Variants in FSTL4 observed in about 807,000 individuals in gnomAD.
The protein encoded by FSTL4 is follistatin-related protein 4.
Under a neutral mutation model 78.2 loss-of-function variants are expected in FSTL4, and 28 were observed. That is an observed-to-expected ratio of 0.36 (90% CI 0.27 to 0.49). FSTL4 has a LOEUF of 0.49. Among genes scored for constraint, FSTL4 ranks in the 20% least tolerant of loss-of-function variants. FSTL4 has a pLI of 0.98. For synonymous variants in FSTL4, 422 were observed against 440.5 expected, an observed-to-expected ratio of 0.96 and a Z score of 0.53; for missense variants, 922 against 1,084.9, an observed-to-expected ratio of 0.85 and a Z score of 2.11.
chr5:133,727,598 C>T, the FSTL4 span, among the ~76,000 whole-genome samples: 26 of 152,148 alleles, frequency 1.7e-4, no homozygotes, highest in Admixed American at 6.5e-4. Flanking sequence ...GGACAAGGAG[C>T]CTCTTCAGGG....
intron 3 of FSTL4, chr5:133,458,144 G>C (rs1757528257): frequency 6.6e-6 from 1 of 152,180 alleles, no homozygotes; most frequent in South Asian, 2.1e-4. Flanking sequence ...TGTATTTTAA[G>C]ATCAAAAGGA....
At chr5:133,763,933 C>T in the FSTL4 span, among the ~76,000 whole-genome samples, 3 of 152,166 alleles carry the variant, frequency 2.0e-5, no homozygotes, top group Non-Finnish European at 2.9e-5. Context: ...TTCACCAGAG[C>T]CCAAGCCAGC....
intron 1 of FSTL4, among the ~76,000 whole-genome samples, chr5:133,610,778 C>G (rs1164714543): frequency 6.6e-6 from 1 of 152,234 alleles, no homozygotes; most frequent in African/African-American, 2.4e-5. Context: ...TAAAAAGCAT[C>G]GCTGGTTTCC....
chr5:133,818,724 G>A, the FSTL4 span, among the ~76,000 whole-genome samples: 286 of 146,238 alleles, frequency 2.0e-3, no homozygotes, highest in Middle Eastern at 3.5e-3. Context: ...ACTTTAATCT[G>A]CCCTAATGAA....
chr5:133,502,940 A>G (rs1160261428), intron 3 of FSTL4, among the ~76,000 whole-genome samples: 1 of 152,108 alleles, frequency 6.6e-6, no homozygotes, highest in Non-Finnish European at 1.5e-5. Flanking sequence ...TAAGCAGAGA[A>G]CCTCATTAAG....
chr5:133,262,205 C>G (rs935554593), intron 6 of FSTL4, among the ~76,000 whole-genome samples: 1 of 152,132 alleles, frequency 6.6e-6, no homozygotes, highest in Non-Finnish European at 1.5e-5. Flanking sequence ...AACTGCAGCT[C>G]CCCTGGAGGC....
At chr5:133,775,043 A>G in the FSTL4 span, among the ~76,000 whole-genome samples, 2 of 152,330 alleles carry the variant, frequency 1.3e-5, no homozygotes, top group East Asian at 1.9e-4. Context: ...AACTTGATTG[A>G]GCCTCTTGGA....
intron 4 of FSTL4, among the ~76,000 whole-genome samples, chr5:133,395,040 C>A (rs1755973186): frequency 6.6e-6 from 1 of 152,112 alleles, no homozygotes; most frequent in Non-Finnish European, 1.5e-5. Context: ...CCAATCAGCA[C>A]CCTGTCAAAA....
intron 3 of FSTL4, among the ~76,000 whole-genome samples, chr5:133,489,312 G>A (rs374501231): frequency 5.5e-4 from 84 of 152,296 alleles, no homozygotes; most frequent in African/African-American, 1.8e-3. Context: ...CATGAGAGGC[G>A]AGGAAGAACT....
At chr5:133,738,957 T>C in the FSTL4 span, among the ~76,000 whole-genome samples, 2 of 152,112 alleles carry the variant, frequency 1.3e-5, no homozygotes, top group Admixed American at 1.3e-4. Context: ...GGGTCCTTGG[T>C]TGGGGGCTGC....
chr5:133,503,786 C>A (rs1401731754), intron 3 of FSTL4, among the ~76,000 whole-genome samples: 2 of 152,202 alleles, frequency 1.3e-5, no homozygotes, highest in Admixed American at 6.5e-5. Flanking sequence ...TAACTTAACA[C>A]GTCTAAACCA....
At chr5:133,498,741 C>T (rs972594277) in intron 3 of FSTL4, among the ~76,000 whole-genome samples, 1 of 149,868 alleles carries the variant, frequency 6.7e-6, no homozygotes, top group African/African-American at 2.5e-5. Flanking sequence ...AGGATCATGC[C>T]TTTTAAGCCC....
At chr5:133,247,261 C>T (rs1371868128) in intron 7 of FSTL4, 1 of 152,214 alleles carries the variant, frequency 6.6e-6, no homozygotes. Flanking sequence ...TCTCTGGTTG[C>T]ACCCACAATT....
At chr5:133,756,639 CA>C in the FSTL4 span, among the ~76,000 whole-genome samples, 3 of 152,150 alleles carry the variant, frequency 2.0e-5, no homozygotes, top group African/African-American at 7.2e-5. Flanking sequence ...CCACTGAGTG[CA>C]CCTGGCCCTC....
the FSTL4 span, among the ~76,000 whole-genome samples, chr5:133,839,228 C>G: frequency 6.6e-6 from 1 of 152,194 alleles, no homozygotes; most frequent in Non-Finnish European, 1.5e-5. Context: ...CTGCCCCACT[C>G]AGACTCACTC....
At chr5:133,552,208 T>C (rs1306395070) in intron 3 of FSTL4, among the ~76,000 whole-genome samples, 1 of 152,218 alleles carries the variant, frequency 6.6e-6, no homozygotes, top group Non-Finnish European at 1.5e-5. Flanking sequence ...ATTAACAAGT[T>C]CTATACCTTA....
At chr5:133,367,068 T>C (rs1755196362) in intron 4 of FSTL4, among the ~76,000 whole-genome samples, 1 of 152,194 alleles carries the variant, frequency 6.6e-6, no homozygotes. Context: ...ATAGTGACTC[T>C]GTTAGCTGCT....
chr5:133,292,437 C>G (rs2126869825), intron 6 of FSTL4, among the ~76,000 whole-genome samples: 1 of 152,186 alleles, frequency 6.6e-6, no homozygotes, highest in Non-Finnish European at 1.5e-5. Context: ...CTACCTCGCA[C>G]AGCTTGAGCA....
intron 6 of FSTL4, chr5:133,266,447 C>T (rs1752642303): frequency 6.6e-6 from 1 of 152,328 alleles, no homozygotes; most frequent in African/African-American, 2.4e-5. Flanking sequence ...GCTTGGCCCT[C>T]TCCCGGCTGA....
Sources: gnomAD v4.1 joint callset for allele counts (sites outside exome capture counted in the v4.1 genomes callset) on GRCh38, gnomAD v4.1.1 for gene constraint, MANE v1.5 for transcripts, NCBI Gene and HGNC (gene_info 2026-07-23, HGNC 2026-07-21) for gene names.